The following WDR49 variants were observed in gnomAD, a reference collection of about 807,000 sequenced individuals.
WDR49 encodes WD repeat domain 49.
A neutral mutation model predicts 119.5 loss-of-function variants in WDR49; 107 were observed. That is an observed-to-expected ratio of 0.90 (90% confidence interval 0.77 to 1.05). WDR49 has a LOEUF of 1.05. Among genes scored for constraint, WDR49 ranks in the 50% least tolerant of loss-of-function variants. The pLI is 0.00. For synonymous variants in WDR49, 425 were observed against 418.8 expected, an observed-to-expected ratio of 1.01 and a Z score of -0.18; for missense variants, 1,240 against 1,220.5, an observed-to-expected ratio of 1.02 and a Z score of -0.24.
chr3:167,625,786 T>G (rs557951852), intron 3 of WDR49, among the ~76,000 whole-genome samples: 3 of 152,080 alleles, frequency 2.0e-5, no homozygotes, highest in African/African-American at 7.2e-5. Context: ...ACCAATTCAC[T>G]AGAAAAATCA....
chr3:167,647,924 G>T (rs1718203032), intron 2 of WDR49, among the ~76,000 whole-genome samples: 1 of 152,140 alleles, frequency 6.6e-6, no homozygotes, highest in South Asian at 2.1e-4. Context: ...TTATGCGTTA[G>T]TTCCAAGTTA....
intron 14 of WDR49, among the ~76,000 whole-genome samples, chr3:167,528,805 C>G (rs1365741064): frequency 6.6e-6 from 1 of 152,082 alleles, no homozygotes; most frequent in Non-Finnish European, 1.5e-5. Flanking sequence ...GCTTTACTAA[C>G]AATATTGCAT....
chr3:167,605,699 A>G (rs1288890559), intron 5 of WDR49, among the ~76,000 whole-genome samples: 1 of 152,230 alleles, frequency 6.6e-6, no homozygotes, highest in African/African-American at 2.4e-5. Flanking sequence ...AAAGCATTTC[A>G]ATAGATGAGA....
At chr3:167,564,448 A>C (rs1713468087) in intron 8 of WDR49, among the ~76,000 whole-genome samples, 1 of 152,232 alleles carries the variant, frequency 6.6e-6, no homozygotes, top group African/African-American at 2.4e-5. Flanking sequence ...ACTACACGAC[A>C]ATGGAACTAT....
chr3:167,542,612 CA>C (rs1711914041), intron 10 of WDR49, among the ~76,000 whole-genome samples: 1 of 152,028 alleles, frequency 6.6e-6, no homozygotes, highest in African/African-American at 2.4e-5. Flanking sequence ...CACAACTTTT[CA>C]AAACCTCTGG....
chr3:167,522,837 C>CA (rs1752502343), intron 15 of WDR49, among the ~76,000 whole-genome samples: 1 of 152,124 alleles, frequency 6.6e-6, no homozygotes, highest in Non-Finnish European at 1.5e-5. Flanking sequence ...AGAATTGCCA[C>CA]ACTTATTTAT....
chr3:167,654,754 CCGAGCATGG>C (rs1283508755), upstream of WDR49, among the ~76,000 whole-genome samples: 5 of 151,946 alleles, frequency 3.3e-5, no homozygotes, highest in Middle Eastern at 3.4e-3. Flanking sequence ...AAATAATCAG[CCGAGCATGG>C]TGGCGCACAC....
At chr3:167,535,648 G>A (rs1226506494) in intron 11 of WDR49, among the ~76,000 whole-genome samples, 1 of 152,066 alleles carries the variant, frequency 6.6e-6, no homozygotes, top group Non-Finnish European at 1.5e-5. Flanking sequence ...ATGGCTGGTG[G>A]GAATGTAAAT....
At position 167,478,848 on chromosome 3, in the gene WDR49, T is replaced by C; in HGVS notation, c.*30A>G. On this transcript the variant is annotated 3_prime_UTR_variant, in exon 19 of 19. Transcript: ENST00000682715. ...TTTTCTGCATTTTATATCTGTACCTTATGTAACAGTGAAGGTTTTTCTGTT... is the reference window on the plus strand; with the variant it reads ...TTTTCTGCATTTTATATCTGTACCTCATGTAACAGTGAAGGTTTTTCTGTT... The C allele has an allele frequency of 7.0e-7, 1 of 1,431,228 alleles. No homozygotes were observed. The highest frequency in any genetic ancestry group is 9.7e-7 in the Non-Finnish European group (1 of 1,031,672). The allele number at this position is 1,431,228 out of a possible 1,614,324, so 88.7% of individuals were successfully genotyped here.
intron 5 of WDR49, among the ~76,000 whole-genome samples, chr3:167,611,297 TTGCAAGTCTCA>T (rs1412364402): frequency 6.6e-6 from 1 of 152,154 alleles, no homozygotes; most frequent in Middle Eastern, 3.2e-3. Context: ...AAGATAGTAT[TTGCAAGTCTCA>T]TGGTAACCTC....
In WDR49 at chr3:167,627,064, G is replaced by T; in HGVS notation, c.394C>A (p.Leu132Ile). The T allele has an allele frequency of 7.7e-7, 1 of 1,302,318 alleles. No individual in the cohort carries two copies. The highest frequency in any genetic ancestry group is 9.8e-7 in the Non-Finnish European group (1 of 1,025,308). The allele number at this position is 1,302,318 out of a possible 1,614,324, so 80.7% of individuals were successfully genotyped here. ...TTGTGTTTTACTGGGAGGAATTCAA[G>T]GTCCTTCCACTGGGGCACCACAGTT... ...KATVVPQWKDLEFLPVKHKDT... is the reference protein window; with the variant it reads ...KATVVPQWKDIEFLPVKHKDT... Residue 132 changes from leucine to isoleucine, a missense_variant, in exon 3 of 19, where the codon CTT (leucine) becomes ATT (isoleucine). Physicochemically the swap from Leu to Ile is conservative, Grantham distance 5 (BLOSUM62 2). Transcript: ENST00000682715.
At chr3:167,518,857 A>C (rs1318003132) in intron 16 of WDR49, among the ~76,000 whole-genome samples, 1 of 151,576 alleles carries the variant, frequency 6.6e-6, no homozygotes, top group African/African-American at 2.4e-5. Context: ...AATGGGTGAA[A>C]ATTTTTGCAA....
chr3:167,573,642 A>G (rs1175222244), intron 8 of WDR49, among the ~76,000 whole-genome samples: 1 of 152,152 alleles, frequency 6.6e-6, no homozygotes, highest in Non-Finnish European at 1.5e-5. Flanking sequence ...AATTAATATT[A>G]TGATGAAAAT....
intron 15 of WDR49, among the ~76,000 whole-genome samples, chr3:167,524,899 A>G (rs6768892): frequency 0.29 from 44,014 of 151,934 alleles, 6,556 homozygotes; most frequent in African/African-American, 0.35. Context: ...GCTCTTTTTC[A>G]GTTCCATATA....
intron 7 of WDR49, among the ~76,000 whole-genome samples, chr3:167,589,140 T>G (rs1472790764): frequency 6.6e-6 from 1 of 152,156 alleles, no homozygotes; most frequent in African/African-American, 2.4e-5. Flanking sequence ...GTGTCTAATA[T>G]TATCTTCTGC....
At chr3:167,535,261 T>TAGCAAGTGCTG (rs1752980871) in intron 11 of WDR49, among the ~76,000 whole-genome samples, 1 of 152,042 alleles carries the variant, frequency 6.6e-6, no homozygotes, top group Non-Finnish European at 1.5e-5. Context: ...TCTTCAAAAA[T>TAGCAAGTGCTG]CTATTCATGC....
At chr3:167,556,629 T>G (rs763593407) in intron 9 of WDR49, among the ~76,000 whole-genome samples, 1 of 152,352 alleles carries the variant, frequency 6.6e-6, no homozygotes, top group South Asian at 2.1e-4. Context: ...CTCATGCCTG[T>G]AATTACAGCT....
At chr3:167,505,262 G>A (rs1266954124) in intron 17 of WDR49, 45 bp downstream of exon 17, 12 of 1,399,532 alleles carry the variant, frequency 8.6e-6, no homozygotes, top group Non-Finnish European at 1.1e-5. Context: ...ACACTAATCT[G>A]TTAAATAATA....
intron 3 of WDR49, among the ~76,000 whole-genome samples, chr3:167,622,037 T>C (rs750857593): frequency 6.6e-5 from 10 of 152,238 alleles, no homozygotes; most frequent in Admixed American, 2.0e-4. Context: ...AATCATTTGA[T>C]ACAGACTCTA....
Sources: allele counts gnomAD v4.1 joint callset (sites outside exome capture counted in the v4.1 genomes callset), GRCh38; gene constraint gnomAD v4.1.1; transcripts MANE v1.5; gene names NCBI Gene and HGNC (gene_info 2026-07-23, HGNC 2026-07-21).